The following TSEN54 variants were observed in gnomAD, a reference collection of about 807,000 sequenced individuals.
TSEN54 encodes the protein tRNA-splicing endonuclease subunit Sen54.
A neutral mutation model predicts 61.9 loss-of-function variants in TSEN54; 55 were observed. That is an observed-to-expected ratio of 0.89 (90% confidence interval 0.72 to 1.11). The LOEUF (loss-of-function observed/expected upper bound fraction) is 1.11. Among genes scored for constraint, TSEN54 ranks in the 50% most tolerant of loss-of-function variants. The pLI is 0.00. For missense variants in TSEN54, 760 were observed against 687.7 expected (o/e 1.11, Z -1.18); for synonymous variants, 304 against 288.7 (o/e 1.05, Z -0.54).
chr17:75,523,870 T>C (rs1053081130), intron 10 of TSEN54, 91 bp downstream of exon 10: 2 of 1,408,322 alleles, frequency 1.4e-6, no homozygotes, highest in Non-Finnish European at 9.8e-7. Flanking sequence ...CTGGCCAGCG[T>C]GCCAATCTCT....
intron 6 of TSEN54, among the ~76,000 whole-genome samples, chr17:75,520,313 T>G (rs1056336614): frequency 2.6e-5 from 4 of 151,242 alleles, no homozygotes; most frequent in South Asian, 2.1e-4. Flanking sequence ...CTCACGCCTA[T>G]AATCCCAGCA....
At chr17:75,517,496 C>G in intron 4 of TSEN54, 61 bp from the exon 5 acceptor site, 2 of 1,487,142 alleles carry the variant, frequency 1.3e-6, no homozygotes, top group South Asian at 2.3e-5. Context: ...GGGAAGTTGC[C>G]CCATTCCTCT....
At chr17:75,519,832 C>G (rs1388965607) in intron 6 of TSEN54, among the ~76,000 whole-genome samples, 4 of 152,212 alleles carry the variant, frequency 2.6e-5, no homozygotes, top group African/African-American at 7.2e-5. Context: ...CTCAGCCTCC[C>G]AAAGTGCTGG....
intron 8 of TSEN54, chr17:75,522,545 G>A (rs1307876843): frequency 1.7e-5 from 25 of 1,436,552 alleles, no homozygotes; most frequent in Non-Finnish European, 2.0e-5. Flanking sequence ...GGTAAGGAGG[G>A]GTGGAAACTA....
intron 9 of TSEN54, 96 bp downstream of exon 9, chr17:75,523,431 T>C: frequency 6.2e-7 from 1 of 1,609,274 alleles, no homozygotes; most frequent in Non-Finnish European, 8.5e-7. Flanking sequence ...ACTAGAGGAC[T>C]GTTCCAGGGA....
At chr17:75,517,454 TGCTGAGAGGG>T in intron 4 of TSEN54, 93 bp from the exon 5 acceptor site, 1 of 1,227,010 alleles carries the variant, frequency 8.1e-7, no homozygotes, top group East Asian at 2.3e-5. Context: ...CTTGATGCGC[TGCTGAGAGGG>T]GGAGGGGGAG....
intron 6 of TSEN54, among the ~76,000 whole-genome samples, chr17:75,520,562 G>A (rs1462045027): frequency 7.1e-6 from 1 of 139,936 alleles, no homozygotes; most frequent in Non-Finnish European, 1.6e-5. Flanking sequence ...CTCCAGCCTG[G>A]GCGAAAAAGC....
chr17:75,516,944 G>A, intron 2 of TSEN54, 34 bp downstream of exon 2: 2 of 1,542,568 alleles, frequency 1.3e-6, no homozygotes, highest in Non-Finnish European at 1.7e-6. Context: ...AAGGGAAGCG[G>A]GGGCGAGGCG....
chr17:75,523,948 C>T (rs1276510091), intron 10 of TSEN54, among the ~76,000 whole-genome samples, 169 bp downstream of exon 10: 1 of 152,196 alleles, frequency 6.6e-6, no homozygotes, highest in Non-Finnish European at 1.5e-5. Context: ...TTGTGCTGCC[C>T]TACTCTGAGC....
chr17:75,524,541 C>CCAGA lies in TSEN54; in HGVS notation c.*130_*131insAGAC. On this transcript the variant is annotated 3_prime_UTR_variant, in exon 11 of 11. Coordinates refer to ENST00000333213, the MANE Select transcript of TSEN54 (RefSeq NM_207346.3). ...TTCAGAGGCCAGTCTGGGCCTTGGC[C>CCAGA]CTGGGTGTCTGATACTCACAGAGTG... The CCAGA allele has an allele frequency of 8.4e-7, 1 of 1,189,618 alleles. No homozygotes were observed. The highest frequency in any genetic ancestry group is 1.2e-6 in the Non-Finnish European group (1 of 810,330). The allele number at this position is 1,189,618 out of a possible 1,614,324, so 73.7% of individuals were successfully genotyped here.
chr17:75,516,651 G>T, intron 1 of TSEN54, 35 bp downstream of exon 1: 2 of 1,241,266 alleles, frequency 1.6e-6, no homozygotes, highest in Non-Finnish European at 2.0e-6. Flanking sequence ...GGTGTCGGGG[G>T]CGCGGGGCCA....
chr17:75,517,444 C>G (rs1463848343), intron 4 of TSEN54, 113 bp from the exon 5 acceptor site: 4 of 1,213,486 alleles, frequency 3.3e-6, no homozygotes, highest in South Asian at 1.2e-5. Flanking sequence ...TGGCCACATT[C>G]TTGATGCGCT....
At chr17:75,522,409 T>A in intron 8 of TSEN54, 76 bp downstream of exon 8, 2 of 1,534,344 alleles carry the variant, frequency 1.3e-6, no homozygotes, top group Non-Finnish European at 1.7e-6. Context: ...AGGGCATGGA[T>A]GAACTGGGAT....
rs1304428812 is a variant in TSEN54 at position 75,522,580 on chromosome 17, C to A, written c.1252+247C>A. The A allele has an allele frequency of 4.3e-6, 6 of 1,400,536 alleles. No individual in the cohort carries two copies. The East Asian group carries it at 1.5e-4, about 36-fold the overall frequency. The allele number at this position is 1,400,536 out of a possible 1,614,324, so 86.8% of individuals were successfully genotyped here. A position where few individuals can be genotyped will look rare whatever the true frequency, so the allele number is the denominator to read the frequency against. ...ATGACCATATCCTTAAAAAGATAAA[C>A]AACATGCATGTGGATGGCTTTGCCA... On this transcript the variant is annotated intron_variant, in intron 8 of 10. Coordinates refer to ENST00000333213, the MANE Select transcript of TSEN54 (RefSeq NM_207346.3).
chr17:75,518,230 T>C (rs534260403), intron 5 of TSEN54, among the ~76,000 whole-genome samples: 8 of 152,312 alleles, frequency 5.3e-5, no homozygotes, highest in African/African-American at 1.9e-4. Flanking sequence ...AATCCAAGTC[T>C]GGAGTGTGAG....
At chr17:75,523,804 C>G (rs1568005010) in intron 10 of TSEN54, 25 bp downstream of exon 10, 4 of 1,609,472 alleles carry the variant, frequency 2.5e-6, no homozygotes, top group Non-Finnish European at 3.4e-6. Context: ...AGCACTGCCC[C>G]TCCCCCAGCT....
chr17:75,520,368 G>A (rs1338297723), intron 6 of TSEN54, among the ~76,000 whole-genome samples: 1 of 149,062 alleles, frequency 6.7e-6, no homozygotes, highest in African/African-American at 2.5e-5. Context: ...TCAGGAGTAC[G>A]AGACCAGCCT....
chr17:75,521,891 G>T lies in TSEN54; in HGVS notation c.810G>T (p.Pro270=), dbSNP rs535814124. The T allele has an allele frequency of 4.3e-6, 7 of 1,609,368 alleles. No individual in the cohort carries two copies. In the South Asian group the frequency reaches 7.7e-5, roughly 18 times the overall value. ...GGTCCCTGGGCCCCAGCCCTGGCCC[G>T]GCCAGGGAGGGGGTGGGGTGCAGCT... ...LLGSLGPSPG[P]AREGVGCSWE... is the part of the protein sequence containing the mutation. The change falls in exon 8 of 11, where the codon CCG becomes CCT. Residue 270 remains proline, a synonymous_variant. Coordinates refer to ENST00000333213, the MANE Select transcript of TSEN54 (RefSeq NM_207346.3).
chr17:75,519,583 G>A (rs1036055536), intron 6 of TSEN54, among the ~76,000 whole-genome samples: 7 of 152,172 alleles, frequency 4.6e-5, no homozygotes, highest in Admixed American at 3.9e-4. Context: ...TTCTTTTTGA[G>A]ACGGAGTCTC....
Sources: gnomAD v4.1 joint callset for allele counts (sites outside exome capture counted in the v4.1 genomes callset) on GRCh38, gnomAD v4.1.1 for gene constraint, MANE v1.5 for transcripts, NCBI Gene and HGNC (gene_info 2026-07-23, HGNC 2026-07-21) for gene names.